TMEM209: variants seen among roughly 807,000 people sequenced by gnomAD.
TMEM209 encodes the protein transmembrane protein 209, also known as testicular tissue protein Li 202.
Under a neutral mutation model 76.2 loss-of-function variants are expected in TMEM209, and 65 were observed. The ratio of observed to expected loss-of-function variants is 0.85; its 90% CI spans 0.70 to 1.05. The LOEUF (loss-of-function observed/expected upper bound fraction) is 1.05. Among genes scored for constraint, TMEM209 ranks in the 50% least tolerant of loss-of-function variants. The pLI, the probability that TMEM209 is intolerant of heterozygous loss-of-function variation, is 0.00. For synonymous variants in TMEM209, 239 were observed against 237.6 expected (o/e 1.01, Z -0.06); for missense variants, 623 against 685.5 (o/e 0.91, Z 1.02).
At chr7:130,197,176 G>C (rs1281307869) in intron 5 of TMEM209, among the ~76,000 whole-genome samples, 1 of 152,170 alleles carries the variant, frequency 6.6e-6, no homozygotes, top group East Asian at 1.9e-4. Flanking sequence ...CAGATAAGCT[G>C]TACAGCCATG....
chr7:130,202,707 C>G, intron 3 of TMEM209, 44 bp from the exon 4 acceptor site: 2 of 1,585,274 alleles, frequency 1.3e-6, no homozygotes, highest in East Asian at 2.2e-5. Flanking sequence ...GTGAGGAGGG[C>G]ATCTATTGGA....
chr7:130,194,262 T>G (rs1391531468), intron 5 of TMEM209, among the ~76,000 whole-genome samples: 1 of 150,454 alleles, frequency 6.6e-6, no homozygotes, highest in Non-Finnish European at 1.5e-5. Context: ...AGGCTATGCA[T>G]GTTAGGACAG....
At chr7:130,181,750 CAT>C in intron 8 of TMEM209, 31 bp from the exon 9 acceptor site, 1 of 1,542,766 alleles carries the variant, frequency 6.5e-7, no homozygotes, top group Non-Finnish European at 8.8e-7. Context: ...ATTTTGGATA[CAT>C]AATTCCCAAG....
At chr7:130,182,060 C>T (rs1207878165) in intron 8 of TMEM209, 2 of 198,096 alleles carry the variant, frequency 1.0e-5, no homozygotes, top group South Asian at 8.4e-5. Context: ...CCTGCCTCAG[C>T]CTCCTGAGTA....
At chr7:130,191,114 G>A (rs1797781344) in intron 6 of TMEM209, among the ~76,000 whole-genome samples, 1 of 152,018 alleles carries the variant, frequency 6.6e-6, no homozygotes. Flanking sequence ...GGTATAGAAG[G>A]GCTAAAAGTA....
intron 5 of TMEM209, among the ~76,000 whole-genome samples, chr7:130,197,699 A>T (rs903516504): frequency 2.0e-5 from 3 of 152,362 alleles, no homozygotes; most frequent in Non-Finnish European, 4.4e-5. Flanking sequence ...ACATTATGGT[A>T]ATAGCTATTC....
chr7:130,195,158 A>G (rs1436123302), intron 5 of TMEM209, among the ~76,000 whole-genome samples: 1 of 152,142 alleles, frequency 6.6e-6, no homozygotes, highest in Non-Finnish European at 1.5e-5. Context: ...TAACTTGCAT[A>G]AATCTATTCT....
At chr7:130,186,266 A>G (rs1797595107) in intron 6 of TMEM209, among the ~76,000 whole-genome samples, 1 of 152,236 alleles carries the variant, frequency 6.6e-6, no homozygotes, top group South Asian at 2.1e-4. Flanking sequence ...CTAGAAAATA[A>G]TAAAACTCAT....
chr7:130,201,738 G>T, intron 5 of TMEM209, 112 bp downstream of exon 5: 1 of 1,356,836 alleles, frequency 7.4e-7, no homozygotes, highest in Non-Finnish European at 1.0e-6. Context: ...TGGGTGTTCT[G>T]GGCAAATCAA....
chr7:130,184,151 T>C, intron 8 of TMEM209, 33 bp downstream of exon 8: 1 of 1,456,194 alleles, frequency 6.9e-7, no homozygotes, highest in African/African-American at 1.4e-5. Flanking sequence ...TAAGAGGCAC[T>C]AATATTGTCC....
intron 1 of TMEM209, chr7:130,205,124 G>A: frequency 7.0e-7 from 1 of 1,435,422 alleles, no homozygotes; most frequent in South Asian, 1.5e-5. Context: ...GTATCCCACA[G>A]AGGACAGAGC....
intron 10 of TMEM209, among the ~76,000 whole-genome samples, chr7:130,178,193 A>C (rs954442529): frequency 1.3e-5 from 2 of 152,234 alleles, no homozygotes; most frequent in African/African-American, 4.8e-5. Flanking sequence ...TATGAGTCTA[A>C]AAGTAGGAAA....
chr7:130,191,910 T>C (rs6947512), intron 6 of TMEM209, among the ~76,000 whole-genome samples: 36,664 of 152,126 alleles, frequency 0.24, 4,776 homozygotes, highest in African/African-American at 0.31. Flanking sequence ...GTAACATCTG[T>C]GGCACTTTCA....
chr7:130,200,159 A>C (rs917563979), intron 5 of TMEM209, among the ~76,000 whole-genome samples: 13 of 151,898 alleles, frequency 8.6e-5, no homozygotes, highest in African/African-American at 3.2e-4. Flanking sequence ...CTCTATATAT[A>C]TATATATTAA....
chr7:130,191,137 T>C (rs1242988123), intron 6 of TMEM209, among the ~76,000 whole-genome samples: 1 of 152,068 alleles, frequency 6.6e-6, no homozygotes, highest in African/African-American at 2.4e-5. Flanking sequence ...GGGATAGAGA[T>C]AGATATACCA....
At chr7:130,200,567 A>G (rs1798154286) in intron 5 of TMEM209, among the ~76,000 whole-genome samples, 1 of 152,182 alleles carries the variant, frequency 6.6e-6, no homozygotes. Context: ...TGAGTATTAA[A>G]TAGCCATTAA....
Position 130,205,382 on chromosome 7 carries a change from T to TG in TMEM209, c.-8dup, listed in dbSNP as rs755786793. 34 of 1,613,818 alleles carry TG rather than the reference T, an allele frequency of 2.1e-5. No homozygotes were observed. The highest frequency in any genetic ancestry group is 2.8e-5 in the Non-Finnish European group (33 of 1,179,888). On this transcript the variant is annotated 5_prime_UTR_variant, in exon 1 of 15. Transcript: ENST00000397622. ...GACCCCGAAAACGCACCATGTCCTC[T>TG]GGCCGGAAAACGCAGGCTCGCGCCA... is the stretch of plus-strand genomic sequence containing the variant.
At chr7:130,186,893 C>G (rs1412336305) in intron 6 of TMEM209, among the ~76,000 whole-genome samples, 1 of 152,094 alleles carries the variant, frequency 6.6e-6, no homozygotes, top group Non-Finnish European at 1.5e-5. Flanking sequence ...CACAGGAAAC[C>G]AGACAACCTA....
chr7:130,205,180 C>CTT lies in TMEM209; in HGVS notation c.3+192_3+193insAA, dbSNP rs1384991047. On this transcript the variant is annotated intron_variant, in intron 1 of 14. Transcript: ENST00000397622. ...GCCCCCGCGTCCCAATTTCCCAGTCCAGAGCTTCCCTCCCCGGCTCCTGGG... is the reference window on the plus strand; with the variant it reads ...GCCCCCGCGTCCCAATTTCCCAGTCCTTAGAGCTTCCCTCCCCGGCTCCTGGG... The CTT allele has an allele frequency of 2.7e-6, 4 of 1,502,804 alleles. No homozygotes were observed. The African/African-American group carries it at 5.5e-5, about 21-fold the overall frequency. 93.1% of individuals were successfully genotyped at this position (1,502,804 alleles called of 1,614,324 possible).
Sources: gnomAD v4.1 joint callset for allele counts (sites outside exome capture counted in the v4.1 genomes callset) on GRCh38, gnomAD v4.1.1 for gene constraint, MANE v1.5 for transcripts, NCBI Gene and HGNC (gene_info 2026-07-23, HGNC 2026-07-21) for gene names.